Variants in WNT7B observed in about 807,000 individuals in gnomAD.
WNT7B encodes Wnt family member 7B.
WNT7B carries 19 observed loss-of-function variants against 38.2 expected under a neutral mutation model. That is an observed-to-expected ratio of 0.50 (90% CI 0.35 to 0.73). The LOEUF (loss-of-function observed/expected upper bound fraction) is 0.73, where lower values mean the gene tolerates loss of function less well. Among genes scored for constraint, WNT7B ranks in the 30% least tolerant of loss-of-function variants. The pLI, the probability that WNT7B is intolerant of heterozygous loss-of-function variation, is 0.01. For synonymous variants in WNT7B, 243 were observed against 209.3 expected, an observed-to-expected ratio of 1.16 and a Z score of -1.39; for missense variants, 423 against 507.9, an observed-to-expected ratio of 0.83 and a Z score of 1.61.
chr22:45,931,419 G>T (rs757861614), intron 2 of WNT7B, 50 bp from the exon 3 acceptor site: 1 of 1,523,772 alleles, frequency 6.6e-7, no homozygotes, highest in East Asian at 2.3e-5. Flanking sequence ...CCTGGGCCAG[G>T]TGGGCTCAGG....
Position 45,922,850 on chromosome 22 carries a change from C to A in WNT7B, c.*6G>T. 1 of 1,590,856 alleles carries A rather than the reference C, an allele frequency of 6.3e-7. No individual in the cohort carries two copies. On this transcript the variant is annotated 3_prime_UTR_variant, in exon 4 of 4. Transcript: ENST00000339464. ...AGGGTGCCCGCGGCCGCCTCCGGGCCTGGCCTCACTTGCAGGTGAAGACCT... is the reference window on the plus strand; with the variant it reads ...AGGGTGCCCGCGGCCGCCTCCGGGCATGGCCTCACTTGCAGGTGAAGACCT...
intron 2 of WNT7B, among the ~76,000 whole-genome samples, chr22:45,942,292 G>A (rs1453087990): frequency 6.6e-6 from 1 of 152,222 alleles, no homozygotes; most frequent in Non-Finnish European, 1.5e-5. Flanking sequence ...GAGAAGCTCA[G>A]GGCCCAGGTG....
chr22:45,959,752 C>T (rs1932153935), intron 1 of WNT7B, among the ~76,000 whole-genome samples: 1 of 152,166 alleles, frequency 6.6e-6, no homozygotes, highest in Non-Finnish European at 1.5e-5. Context: ...GGCACCCAAG[C>T]AGCCCTAGTG....
intron 3 of WNT7B, among the ~76,000 whole-genome samples, chr22:45,928,851 C>CCACACTG (rs1931185687): frequency 7.0e-6 from 1 of 143,562 alleles, no homozygotes; most frequent in African/African-American, 2.5e-5. Context: ...CCTGGTTTCC[C>CCACACTG]CATACCGCAT....
chr22:45,944,618 G>T (rs1297874434), intron 2 of WNT7B, among the ~76,000 whole-genome samples: 1 of 152,220 alleles, frequency 6.6e-6, no homozygotes, highest in Admixed American at 6.5e-5. Flanking sequence ...GACCAGGGTC[G>T]TCAGCCTGGG....
intron 3 of WNT7B, chr22:45,925,986 C>T (rs751080379): frequency 1.2e-4 from 121 of 985,284 alleles, no homozygotes; most frequent in Non-Finnish European, 1.4e-4. Flanking sequence ...CCTCCCCTGT[C>T]CCTGTCTCCC....
chr22:45,930,860 C>T (rs1331251106), intron 3 of WNT7B, among the ~76,000 whole-genome samples: 1 of 152,206 alleles, frequency 6.6e-6, no homozygotes, highest in African/African-American at 2.4e-5. Flanking sequence ...TCCCTGGGGG[C>T]CGTGAGCATC....
chr22:45,934,589 G>A (rs777523670), intron 2 of WNT7B, among the ~76,000 whole-genome samples: 2 of 152,170 alleles, frequency 1.3e-5, no homozygotes, highest in Admixed American at 1.3e-4. Flanking sequence ...TGCAGAGCGG[G>A]TCAGGGGATG....
chr22:45,949,188 C>T (rs1011198751), intron 2 of WNT7B, among the ~76,000 whole-genome samples: 1 of 152,152 alleles, frequency 6.6e-6, no homozygotes, highest in Non-Finnish European at 1.5e-5. Flanking sequence ...GTAAAATGGG[C>T]ATGATGAAGC....
intron 1 of WNT7B, among the ~76,000 whole-genome samples, chr22:45,950,443 A>G (rs761721010): frequency 6.6e-6 from 1 of 152,266 alleles, no homozygotes; most frequent in Non-Finnish European, 1.5e-5. Context: ...TCTCCAGGCC[A>G]CTGAGTCAGA....
At chr22:45,963,429 T>C (rs572591007) in intron 1 of WNT7B, among the ~76,000 whole-genome samples, 1 of 152,286 alleles carries the variant, frequency 6.6e-6, no homozygotes, top group Admixed American at 6.5e-5. Flanking sequence ...AGTGAGTGCT[T>C]ATGGAGCCTT....
chr22:45,922,611 G>A lies in WNT7B; in HGVS notation c.*245C>T. 3.4e-6 allele frequency: 2 copies of A among 587,564 alleles called. No homozygotes were observed. The highest frequency in any genetic ancestry group is 5.8e-6 in the Non-Finnish European group (2 of 345,046). The allele number at this position is 587,564 out of a possible 1,614,324, so 36.4% of individuals were successfully genotyped here. A position where few individuals can be genotyped will look rare whatever the true frequency, so the allele number is the denominator to read the frequency against. On this transcript the variant is annotated 3_prime_UTR_variant, in exon 4 of 4. Coordinates refer to ENST00000339464, the MANE Select transcript of WNT7B (RefSeq NM_058238.3). ...GGGGAGCACCAAGACCCCTGGCCTT[G>A]CTCTCTGGGTGGGTCACGGGTGCTG...
rs147974136 is a variant in WNT7B, at chr22:45,951,336, C to T, written c.72-1190G>A. On this transcript the variant is annotated intron_variant, in intron 1 of 3. Coordinates refer to ENST00000339464, the MANE Select transcript of WNT7B (RefSeq NM_058238.3). This position sits in a 1 kb window ranked among gnomAD's most constrained non-coding sequence, Gnocchi z 4.8. The stretch of plus-strand genomic sequence containing the variant: ...AGGTCATCTGCCCGCCTCGGCCTCC[C>T]AAAATGCTGGGATTACAGGTGTGAG... Among the ~76,000 whole-genome samples, 1,319 of 152,184 alleles carry T rather than the reference C, an allele frequency of 8.7e-3. 21 individuals carry two copies. Among genetic ancestry groups the T allele is most frequent in the African/African-American group, 0.031 (1,268 of 41,496 alleles).
intron 1 of WNT7B, among the ~76,000 whole-genome samples, chr22:45,962,515 C>G (rs1387271484): frequency 6.6e-6 from 1 of 152,206 alleles, no homozygotes; most frequent in East Asian, 1.9e-4. Context: ...AGCTTAGTGC[C>G]TCCTCCTCCA....
At chr22:45,947,050 C>T (rs1203218779) in intron 2 of WNT7B, among the ~76,000 whole-genome samples, 4 of 152,214 alleles carry the variant, frequency 2.6e-5, no homozygotes, top group African/African-American at 9.7e-5. Flanking sequence ...GGGCACCCAG[C>T]TGGCCTCGGA....
chr22:45,947,566 G>T (rs1333840444), intron 2 of WNT7B, among the ~76,000 whole-genome samples: 1 of 152,236 alleles, frequency 6.6e-6, no homozygotes, highest in Non-Finnish European at 1.5e-5. Context: ...TGAGCCTGCG[G>T]CCAATAGGGC....
chr22:45,942,845 T>C (rs1053055282), intron 2 of WNT7B, among the ~76,000 whole-genome samples: 1 of 145,584 alleles, frequency 6.9e-6, no homozygotes, highest in African/African-American at 2.4e-5. Flanking sequence ...GGGTGCAGCC[T>C]GAGTGGGTGC....
At chr22:45,940,947 G>T (rs752100071) in intron 2 of WNT7B, among the ~76,000 whole-genome samples, 1 of 152,216 alleles carries the variant, frequency 6.6e-6, no homozygotes, top group Non-Finnish European at 1.5e-5. Context: ...TGATGAAGTC[G>T]GGGACGGCCC....
chr22:45,952,043 G>A (rs1374172274), intron 1 of WNT7B, among the ~76,000 whole-genome samples: 1 of 152,190 alleles, frequency 6.6e-6, no homozygotes, highest in Non-Finnish European at 1.5e-5. Flanking sequence ...AGGCAGACCC[G>A]CAGGCAACAG....
Sources: allele counts gnomAD v4.1 joint callset (sites outside exome capture counted in the v4.1 genomes callset), GRCh38; gene constraint gnomAD v4.1.1; non-coding constraint Gnocchi (gnomAD v3.1); transcripts MANE v1.5; gene names NCBI Gene and HGNC (gene_info 2026-07-23, HGNC 2026-07-21).